Variants in SLC13A3 observed in about 807,000 individuals in gnomAD.
The protein encoded by SLC13A3 is Na(+)/dicarboxylate cotransporter 3.
Under a neutral mutation model 59.0 loss-of-function variants are expected in SLC13A3, and 40 were observed. The ratio of observed to expected loss-of-function variants is 0.68; its 90% CI spans 0.53 to 0.88. SLC13A3 has a LOEUF of 0.88. Among genes scored for constraint, SLC13A3 ranks in the 40% least tolerant of loss-of-function variants. The pLI, the probability that SLC13A3 is intolerant of heterozygous loss-of-function variation, is 0.00. For missense variants in SLC13A3, 699 were observed against 783.2 expected, an observed-to-expected ratio of 0.89 and a Z score of 1.28; for synonymous variants, 317 against 330.3, an observed-to-expected ratio of 0.96 and a Z score of 0.44.
intron 10 of SLC13A3, among the ~76,000 whole-genome samples, chr20:46,567,133 A>G (rs1415999212): frequency 6.6e-6 from 1 of 152,124 alleles, no homozygotes; most frequent in Non-Finnish European, 1.5e-5. Context: ...GAGAGGTTTC[A>G]ATGAGCCAAC....
chr20:46,680,764 CTCTCCTGTGTCCTCTGCCA>C (rs2063150378), intron 1 of SLC13A3, among the ~76,000 whole-genome samples: 1 of 152,182 alleles, frequency 6.6e-6, no homozygotes, highest in African/African-American at 2.4e-5. Flanking sequence ...GTACTCTGCC[CTCTCCTGTGTCCTCTGCCA>C]TCTCCTGTGT....
At chr20:46,631,771 AG>A (rs2062740294) in intron 1 of SLC13A3, among the ~76,000 whole-genome samples, 1 of 152,128 alleles carries the variant, frequency 6.6e-6, no homozygotes, top group Non-Finnish European at 1.5e-5. Flanking sequence ...CAAAACGCGC[AG>A]GGGTGAGAGA....
chr20:46,669,624 T>C (rs761942102), intron 1 of SLC13A3, among the ~76,000 whole-genome samples: 29 of 152,338 alleles, frequency 1.9e-4, no homozygotes, highest in Non-Finnish European at 3.7e-4. Flanking sequence ...CCACATGAGC[T>C]GGGTGGGTCT....
At chr20:46,661,325 G>A (rs1042493988) in intron 1 of SLC13A3, among the ~76,000 whole-genome samples, 4 of 152,106 alleles carry the variant, frequency 2.6e-5, no homozygotes, top group Non-Finnish European at 4.4e-5. Context: ...GGAGTTAATC[G>A]GTTTTACCCG....
upstream of SLC13A3, among the ~76,000 whole-genome samples, chr20:46,656,173 A>T (rs2062988975): frequency 7.0e-6 from 1 of 143,696 alleles, no homozygotes; most frequent in Admixed American, 7.2e-5. Flanking sequence ...TACAGTCTGT[A>T]TTATATTGTA....
At chr20:46,565,115 A>G (rs2061968476) in intron 11 of SLC13A3, among the ~76,000 whole-genome samples, 1 of 152,230 alleles carries the variant, frequency 6.6e-6, no homozygotes, top group Non-Finnish European at 1.5e-5. Flanking sequence ...ATAAAACTAT[A>G]TTGATAGTTT....
intron 1 of SLC13A3, among the ~76,000 whole-genome samples, chr20:46,614,731 G>T (rs1349595744): frequency 6.6e-6 from 1 of 152,204 alleles, no homozygotes; most frequent in Non-Finnish European, 1.5e-5. Context: ...CAAGGAGGTG[G>T]TTAGCAAGGT....
chr20:46,639,469 C>CA (rs2062826067), intron 1 of SLC13A3, among the ~76,000 whole-genome samples: 5 of 151,650 alleles, frequency 3.3e-5, no homozygotes, highest in Admixed American at 2.0e-4. Flanking sequence ...AGAAAAAAAC[C>CA]AAAAAAACAA....
chr20:46,575,519 G>C lies in SLC13A3; in HGVS notation c.1332+54C>G, dbSNP rs532250919. 3.8e-5 allele frequency: 42 copies of C among 1,105,998 alleles called. No homozygotes were observed. The Admixed American group carries it at 9.0e-4, about 24-fold the overall frequency. The allele number at this position is 1,105,998 out of a possible 1,614,324, so 68.5% of individuals were successfully genotyped here. ...GGTGCTGCAGCCAGCACTGGGACCCGCCCACACCTGCCTCCCACTGTTCCT... is the reference window on the plus strand; with the variant it reads ...GGTGCTGCAGCCAGCACTGGGACCCCCCCACACCTGCCTCCCACTGTTCCT... On this transcript the variant is annotated intron_variant, in intron 10 of 12. Coordinates refer to ENST00000279027, the MANE Select transcript of SLC13A3 (RefSeq NM_022829.6).
At chr20:46,632,904 G>T (rs866746722) in intron 1 of SLC13A3, among the ~76,000 whole-genome samples, 44 of 2,552 alleles carry the variant, frequency 0.017, no homozygotes, top group African/African-American at 0.049. Flanking sequence ...TAGATAGATA[G>T]ATAGATATAT....
At chr20:46,629,283 C>T (rs1476767229) in intron 1 of SLC13A3, among the ~76,000 whole-genome samples, 1 of 152,132 alleles carries the variant, frequency 6.6e-6, no homozygotes, top group Non-Finnish European at 1.5e-5. Context: ...CCTGATTTCT[C>T]CCACCCCTTA....
At chr20:46,563,932 TGA>T (rs1263264315) in intron 11 of SLC13A3, among the ~76,000 whole-genome samples, 3 of 152,146 alleles carry the variant, frequency 2.0e-5, no homozygotes, top group Non-Finnish European at 4.4e-5. Context: ...TTCTCCAATG[TGA>T]GAGTGCAGAA....
At chr20:46,657,838 A>C (rs2063004328) in intron 1 of SLC13A3, among the ~76,000 whole-genome samples, 1 of 152,064 alleles carries the variant, frequency 6.6e-6, no homozygotes, top group African/African-American at 2.4e-5. Flanking sequence ...CGCTGGGGGG[A>C]GGTGCCACAC....
intron 1 of SLC13A3, among the ~76,000 whole-genome samples, chr20:46,679,735 C>T (rs2122951388): frequency 6.6e-6 from 1 of 152,086 alleles, no homozygotes; most frequent in East Asian, 1.9e-4. Context: ...GGTGATATCC[C>T]CGTCTTCACT....
At chr20:46,625,147 G>A (rs562023652) in intron 1 of SLC13A3, among the ~76,000 whole-genome samples, 2 of 152,328 alleles carry the variant, frequency 1.3e-5, no homozygotes, top group East Asian at 3.9e-4. Context: ...TAAGGAAGAA[G>A]AGATGAAACC....
chr20:46,629,466 A>G (rs55927005), intron 1 of SLC13A3, among the ~76,000 whole-genome samples: 198 of 152,360 alleles, frequency 1.3e-3, no homozygotes, highest in Non-Finnish European at 2.4e-3. Context: ...ATGTTCTTCT[A>G]TTAAAGATTC....
intron 1 of SLC13A3, among the ~76,000 whole-genome samples, chr20:46,683,953 A>G (rs527445376): frequency 1.3e-5 from 2 of 152,252 alleles, no homozygotes; most frequent in Non-Finnish European, 2.9e-5. Context: ...CCAGCAACCA[A>G]TGCAACCCTT....
chr20:46,579,129 C>T (rs549784886), intron 9 of SLC13A3, among the ~76,000 whole-genome samples: 2 of 151,890 alleles, frequency 1.3e-5, no homozygotes, highest in East Asian at 3.9e-4. Context: ...GTCTCTCTCT[C>T]CCCCTCGATT....
At chr20:46,599,521 T>C (rs937779709) in intron 4 of SLC13A3, among the ~76,000 whole-genome samples, 1 of 152,244 alleles carries the variant, frequency 6.6e-6, no homozygotes, top group Non-Finnish European at 1.5e-5. Flanking sequence ...CAAAGGATAC[T>C]GTAGACTAAA....
Sources: allele counts gnomAD v4.1 joint callset (sites outside exome capture counted in the v4.1 genomes callset), GRCh38; gene constraint gnomAD v4.1.1; transcripts MANE v1.5; gene names NCBI Gene and HGNC (gene_info 2026-07-23, HGNC 2026-07-21).